Variants in OTUD4 observed in about 807,000 individuals in gnomAD.
OTUD4 encodes the protein OTU deubiquitinase 4.
Under a neutral mutation model 130.4 loss-of-function variants are expected in OTUD4, and 24 were observed. The observed-to-expected ratio is 0.18, with a 90% CI of 0.13 to 0.26. The LOEUF (loss-of-function observed/expected upper bound fraction) is 0.26, where lower values mean the gene tolerates loss of function less well. OTUD4 is among the 10% of genes least tolerant of loss of function. The pLI, the probability that OTUD4 is intolerant of heterozygous loss-of-function variation, is 1.00. For synonymous variants in OTUD4, 420 were observed against 472.5 expected (o/e 0.89, Z 1.44); for missense variants, 1,031 against 1,329.4 (o/e 0.78, Z 3.49).
At chr4:145,165,342 G>A (rs756621459) in intron 3 of OTUD4, 145 bp from the exon 4 acceptor site, 20 of 531,030 alleles carry the variant, frequency 3.8e-5, no homozygotes, top group Non-Finnish European at 5.4e-5. Context: ...TTATAAAAAC[G>A]TTTATATAAA....
chr4:145,135,658 GAA>G lies in OTUD4; in HGVS notation c.*1770_*1771del, dbSNP rs1355001612. 2.0e-5 allele frequency: 3 copies of G among 152,580 alleles called. No homozygotes were observed. The highest frequency in any genetic ancestry group is 2.9e-5 in the Non-Finnish European group (2 of 68,014). 9.5% of individuals were successfully genotyped at this position (152,580 alleles called of 1,614,324 possible). On this transcript the variant is annotated 3_prime_UTR_variant, in exon 21 of 21. Transcript: ENST00000447906. Reference sequence around the variant, plus strand: ...AATTCCTTTCAATAGGTTCTCTCAAGAAAAGTTTTCCACACAACCATCCCAGT... The same window carrying G: ...AATTCCTTTCAATAGGTTCTCTCAAGAAGTTTTCCACACAACCATCCCAGT...
intron 6 of OTUD4, among the ~76,000 whole-genome samples, chr4:145,161,369 C>G (rs892975146): frequency 6.6e-6 from 1 of 152,198 alleles, no homozygotes; most frequent in Non-Finnish European, 1.5e-5. Context: ...ACAGAGGCTA[C>G]ACTTCGATAT....
At chr4:145,163,703 CTTT>C (rs11430342) in intron 5 of OTUD4, among the ~76,000 whole-genome samples, 6 of 126,502 alleles carry the variant, frequency 4.7e-5, no homozygotes, top group Non-Finnish European at 3.3e-5. Flanking sequence ...TAATAGGAAC[CTTT>C]TTTTTTTTTT....
rs1269376976 is a variant in OTUD4 at position 145,135,567 on chromosome 4, G to A, written c.*1863C>T. 2 of 152,322 alleles carry A rather than the reference G, an allele frequency of 1.3e-5. No individual in the cohort carries two copies. Among genetic ancestry groups the A allele is most frequent in the Non-Finnish European group, 2.9e-5 (2 of 68,006 alleles). The allele number at this position is 152,322 out of a possible 1,614,324, so 9.4% of individuals were successfully genotyped here. Reference sequence around the variant, plus strand: ...CTTCTCATTCCTTAACTGAGCCACCGATGTTAAGAAAAAAATGGCTTAAGC... The same window carrying A: ...CTTCTCATTCCTTAACTGAGCCACCAATGTTAAGAAAAAAATGGCTTAAGC... On this transcript the variant is annotated 3_prime_UTR_variant, in exon 21 of 21. Coordinates refer to ENST00000447906, the MANE Select transcript of OTUD4 (RefSeq NM_001366057.1).
chr4:145,180,544 G>A lies in OTUD4; in HGVS notation c.-571C>T, dbSNP rs1417153048. Among the ~76,000 whole-genome samples the A allele has an allele frequency of 2.0e-5, 3 of 152,224 alleles. No individual in the cohort carries two copies. Among genetic ancestry groups the A allele is most frequent in the Non-Finnish European group, 1.5e-5 (1 of 68,034 alleles). On this transcript the variant is annotated 5_prime_UTR_variant, in exon 1 of 21. Transcript: ENST00000447906. Reference sequence around the variant, plus strand: ...GCCCGGGAGAGAACAGCACCTCGCAGCCCAGAATTTGTTTTCGCTTTCGGC... The same window carrying A: ...GCCCGGGAGAGAACAGCACCTCGCAACCCAGAATTTGTTTTCGCTTTCGGC...
intron 15 of OTUD4, 115 bp downstream of exon 15, chr4:145,144,196 G>A (rs1409393529): frequency 8.4e-7 from 1 of 1,189,286 alleles, no homozygotes; most frequent in Non-Finnish European, 1.2e-6. Flanking sequence ...CAAAATATGT[G>A]ACATTAGATA....
intron 7 of OTUD4, among the ~76,000 whole-genome samples, chr4:145,158,526 A>C (rs1751403596): frequency 2.0e-5 from 3 of 152,134 alleles, no homozygotes; most frequent in Admixed American, 1.3e-4. Flanking sequence ...AAAAAAACAA[A>C]TCAAGAGATA....
intron 3 of OTUD4, chr4:145,170,961 A>G (rs2126803041): frequency 6.6e-6 from 1 of 152,248 alleles, no homozygotes; most frequent in Admixed American, 6.5e-5. Context: ...CTGTCTCAAC[A>G]GTCTCTTCCC....
intron 5 of OTUD4, among the ~76,000 whole-genome samples, chr4:145,163,368 A>C (rs2126787379): frequency 6.6e-6 from 1 of 152,332 alleles, no homozygotes; most frequent in East Asian, 1.9e-4. Context: ...ATAATAAGTC[A>C]GTTGATCTTT....
At chr4:145,165,854 C>T (rs1751841550) in intron 3 of OTUD4, among the ~76,000 whole-genome samples, 4 of 152,038 alleles carry the variant, frequency 2.6e-5, no homozygotes, top group South Asian at 4.1e-4. Flanking sequence ...GGTATAAGCT[C>T]GGGAAATGAA....
chr4:145,159,130 A>G (rs1751432739), intron 7 of OTUD4: 1 of 1,042,258 alleles, frequency 9.6e-7, no homozygotes, highest in Non-Finnish European at 1.2e-6. Flanking sequence ...AAAACAATAA[A>G]AGAAAGTGAA....
chr4:145,150,843 T>A lies in OTUD4; in HGVS notation c.1031A>T (p.Lys344Met), dbSNP rs755482377. The A allele has an allele frequency of 7.4e-6, 12 of 1,613,894 alleles. No homozygotes were observed. The highest frequency in any genetic ancestry group is 9.3e-6 in the Non-Finnish European group (11 of 1,179,938). Reference sequence around the variant, plus strand: ...TCCAGAAGTGGAAGGTTTTTTCATCTTCTTCCCTGACACTGTGTTCCAGCT... The same window carrying A: ...TCCAGAAGTGGAAGGTTTTTTCATCATCTTCCCTGACACTGTGTTCCAGCT... ...PESWNTVSGKKMKKPSTSGQN... is the reference protein window; with the variant it reads ...PESWNTVSGKMMKKPSTSGQN... Residue 344 changes from lysine (K) to methionine (M), a missense_variant, in exon 12 of 21, where the codon AAG (lysine) becomes ATG (methionine). Lys to Met is a moderately conservative substitution (Grantham distance 95). This residue lies in a region of OTUD4 where 900 missense variants were observed against 1,095.9 expected (regional missense o/e 0.82). Transcript: ENST00000447906.
At chr4:145,148,572 T>C (rs145051251) in intron 13 of OTUD4, among the ~76,000 whole-genome samples, 55 of 152,138 alleles carry the variant, frequency 3.6e-4, no homozygotes, top group African/African-American at 1.2e-3. Flanking sequence ...TACCAATTCA[T>C]AGGCGATCAG....
intron 17 of OTUD4, 65 bp downstream of exon 17, chr4:145,143,300 C>G (rs1750649887): frequency 1.0e-6 from 1 of 990,076 alleles, no homozygotes; most frequent in Non-Finnish European, 1.6e-6. Context: ...TTAAATGACC[C>G]TATACACAGA....
At chr4:145,141,306 T>TA in intron 19 of OTUD4, 73 bp downstream of exon 19, 1 of 1,361,698 alleles carries the variant, frequency 7.3e-7, no homozygotes, top group Non-Finnish European at 9.9e-7. Context: ...GACCTCTACT[T>TA]ACATCTCTTC....
intron 5 of OTUD4, among the ~76,000 whole-genome samples, chr4:145,163,835 T>G (rs1451331276): frequency 2.6e-5 from 4 of 151,870 alleles, no homozygotes; most frequent in Non-Finnish European, 4.4e-5. Context: ...GCCTCCCTAG[T>G]AGCTGGGATT....
At chr4:145,175,918 G>T (rs1433541623) in intron 1 of OTUD4, among the ~76,000 whole-genome samples, 1 of 151,914 alleles carries the variant, frequency 6.6e-6, no homozygotes, top group Non-Finnish European at 1.5e-5. Context: ...CCAGGCTGGA[G>T]TGCAGTGGTG....
chr4:145,151,559 C>T (rs908841368), intron 11 of OTUD4, among the ~76,000 whole-genome samples: 6 of 151,976 alleles, frequency 3.9e-5, no homozygotes, highest in African/African-American at 1.5e-4. Context: ...CACTTGAACC[C>T]GGGAAGCGGA....
At chr4:145,157,684 CAAAAAAAAAAAAAAAA>C (rs923938636) in intron 7 of OTUD4, among the ~76,000 whole-genome samples, 1 of 44,090 alleles carries the variant, frequency 2.3e-5, no homozygotes, top group Non-Finnish European at 4.7e-5. Flanking sequence ...AACTCCGTCT[CAAAAAAAAAAAAAAAA>C]AAAAAAAGAA....
Sources: allele counts gnomAD v4.1 joint callset (sites outside exome capture counted in the v4.1 genomes callset), GRCh38; gene constraint gnomAD v4.1.1; regional missense constraint gnomAD v4.1.1; transcripts MANE v1.5; gene names NCBI Gene and HGNC (gene_info 2026-07-23, HGNC 2026-07-21).